The following ADGRL3 variants were observed in gnomAD, a reference collection of about 807,000 sequenced individuals.
The protein encoded by ADGRL3 is adhesion G protein-coupled receptor L3, also known as calcium-independent alpha-latrotoxin receptor 3.
In ADGRL3, 62 loss-of-function variants were observed where a neutral mutation model predicts 153.5. That is an observed-to-expected ratio of 0.40 (90% CI 0.33 to 0.50). The LOEUF is 0.50. ADGRL3 is among the 20% of genes least tolerant of loss of function. The pLI is 0.47. For synonymous variants in ADGRL3, 710 were observed against 672.5 expected, an observed-to-expected ratio of 1.06 and a Z score of -0.86; for missense variants, 1,641 against 1,859.4, an observed-to-expected ratio of 0.88 and a Z score of 2.16.
At chr4:61,455,063 C>T (rs1306138287) in intron 2 of ADGRL3, among the ~76,000 whole-genome samples, 4 of 152,126 alleles carry the variant, frequency 2.6e-5, no homozygotes, top group Admixed American at 1.3e-4. Context: ...ATTTTATACT[C>T]GAACTAAGTT....
chr4:61,615,031 G>A (rs546506337), intron 5 of ADGRL3, among the ~76,000 whole-genome samples: 16 of 152,154 alleles, frequency 1.1e-4, no homozygotes, highest in Middle Eastern at 6.8e-3. Flanking sequence ...CAAAAATAAG[G>A]CATTTTCCGT....
chr4:61,827,277 CG>C (rs903731325), intron 9 of ADGRL3, among the ~76,000 whole-genome samples: 36 of 152,244 alleles, frequency 2.4e-4, no homozygotes, highest in Middle Eastern at 3.4e-3. Flanking sequence ...TGTTAAATCA[CG>C]GATAGTGTTA....
intron 1 of ADGRL3, among the ~76,000 whole-genome samples, chr4:61,318,842 A>G (rs1448303511): frequency 1.3e-5 from 2 of 152,190 alleles, no homozygotes; most frequent in Non-Finnish European, 2.9e-5. Context: ...AATATTCCAG[A>G]GAATTTAAAA....
intron 6 of ADGRL3, among the ~76,000 whole-genome samples, chr4:61,721,833 T>C (rs2096248545): frequency 6.6e-6 from 1 of 152,128 alleles, no homozygotes; most frequent in Non-Finnish European, 1.5e-5. Context: ...ATCAGAAGCT[T>C]CATGTAGGTT....
chr4:61,741,746 A>G (rs1389986595), intron 8 of ADGRL3, among the ~76,000 whole-genome samples: 1 of 152,254 alleles, frequency 6.6e-6, no homozygotes, highest in Non-Finnish European at 1.5e-5. Context: ...GAACTTAACT[A>G]TACAGCTGAA....
intron 5 of ADGRL3, among the ~76,000 whole-genome samples, chr4:61,633,988 A>G (rs2093303259): frequency 6.6e-6 from 1 of 151,882 alleles, no homozygotes; most frequent in Non-Finnish European, 1.5e-5. Flanking sequence ...CTATTGGAGC[A>G]ACTCTAATAC....
chr4:62,028,006 A>G (rs1719769497), intron 21 of ADGRL3, among the ~76,000 whole-genome samples: 1 of 151,838 alleles, frequency 6.6e-6, no homozygotes, highest in Admixed American at 6.6e-5. Context: ...TATTCAAAAT[A>G]CATCACAGTT....
intron 1 of ADGRL3, among the ~76,000 whole-genome samples, chr4:61,237,160 G>A (rs1201186340): frequency 6.6e-6 from 1 of 152,080 alleles, no homozygotes; most frequent in African/African-American, 2.4e-5. Flanking sequence ...TTAGCAATGA[G>A]ATTCTGAAAA....
chr4:61,345,536 ATAG>A (rs1373129200), intron 1 of ADGRL3, among the ~76,000 whole-genome samples: 36 of 152,222 alleles, frequency 2.4e-4, no homozygotes, highest in East Asian at 1.9e-4. Context: ...TGTTAACTTA[ATAG>A]CAAAAGCTCT....
intron 1 of ADGRL3, among the ~76,000 whole-genome samples, chr4:61,262,649 A>G (rs575808623): frequency 1.3e-5 from 2 of 152,036 alleles, no homozygotes; most frequent in African/African-American, 4.8e-5. Flanking sequence ...TATTTATTCT[A>G]TCATAGTCAT....
chr4:61,492,059 A>G (rs1434764522), intron 2 of ADGRL3, among the ~76,000 whole-genome samples: 1 of 152,054 alleles, frequency 6.6e-6, no homozygotes, highest in East Asian at 1.9e-4. Context: ...ACATTGCTTA[A>G]TGGGAAACTC....
At chr4:61,646,502 A>T (rs2093991887) in intron 5 of ADGRL3, among the ~76,000 whole-genome samples, 1 of 150,504 alleles carries the variant, frequency 6.6e-6, no homozygotes, top group African/African-American at 2.5e-5. Context: ...AACAGACAGG[A>T]CCCTCAGCTG....
chr4:61,873,270 C>A (rs1259603353), intron 9 of ADGRL3, among the ~76,000 whole-genome samples: 1 of 152,106 alleles, frequency 6.6e-6, no homozygotes, highest in Non-Finnish European at 1.5e-5. Flanking sequence ...ACAAGAGGCA[C>A]ACAGAATTTC....
chr4:61,889,743 C>T (rs1032972314), intron 9 of ADGRL3, among the ~76,000 whole-genome samples: 2 of 152,068 alleles, frequency 1.3e-5, no homozygotes, highest in Non-Finnish European at 2.9e-5. Context: ...ATATATCACA[C>T]AGCAAGCAAA....
At chr4:61,985,256 AT>A (rs200272018) in intron 19 of ADGRL3, among the ~76,000 whole-genome samples, 3,459 of 147,442 alleles carry the variant, frequency 0.023, 124 homozygotes, top group African/African-American at 0.08. Context: ...ATAAACTAGG[AT>A]TTTTTTTTTT....
intron 6 of ADGRL3, among the ~76,000 whole-genome samples, chr4:61,708,406 A>G (rs1036814923): frequency 6.6e-6 from 1 of 152,066 alleles, no homozygotes; most frequent in South Asian, 2.1e-4. Context: ...TTCAATATTT[A>G]AAATATGGTT....
chr4:61,808,792 C>CTTTTT (rs79256517), intron 8 of ADGRL3, among the ~76,000 whole-genome samples: 2,061 of 128,752 alleles, frequency 0.016, 51 homozygotes, highest in African/African-American at 0.055. Flanking sequence ...AGAAATCGGG[C>CTTTTT]TTTTTTTTTT....
chr4:61,358,470 G>T (rs576949981), intron 1 of ADGRL3, among the ~76,000 whole-genome samples: 1 of 151,828 alleles, frequency 6.6e-6, no homozygotes, highest in African/African-American at 2.4e-5. Context: ...GGTGGCGGGC[G>T]CCTGTAGTCC....
intron 5 of ADGRL3, among the ~76,000 whole-genome samples, chr4:61,588,090 G>A (rs889309585): frequency 1.3e-5 from 2 of 151,574 alleles, no homozygotes; most frequent in Non-Finnish European, 2.9e-5. Context: ...ATTATATAAG[G>A]TTTAAATTAT....
Sources: gnomAD v4.1 joint callset for allele counts (sites outside exome capture counted in the v4.1 genomes callset) on GRCh38, gnomAD v4.1.1 for gene constraint, MANE v1.5 for transcripts, NCBI Gene and HGNC (gene_info 2026-07-23, HGNC 2026-07-21) for gene names.